Variants in F5 observed in about 807,000 individuals in gnomAD.
F5 encodes the protein coagulation factor V.
A neutral mutation model predicts 216.4 loss-of-function variants in F5; 138 were observed. The ratio of observed to expected loss-of-function variants is 0.64; its 90% CI spans 0.56 to 0.73. The LOEUF is 0.73. Ranked by LOEUF, F5 falls within the 30% of genes least tolerant of loss-of-function variation. The pLI, the probability that F5 is intolerant of heterozygous loss-of-function variation, is 0.00. For synonymous variants in F5, 916 were observed against 930.7 expected (o/e 0.98, Z 0.29); for missense variants, 2,403 against 2,674.0 (o/e 0.90, Z 2.24).
At chr1:169,571,025 T>C (rs1660709793) in intron 3 of F5, among the ~76,000 whole-genome samples, 1 of 143,952 alleles carries the variant, frequency 6.9e-6, no homozygotes, top group Non-Finnish European at 1.6e-5. Context: ...AAAGGTATGA[T>C]GGCTGGAACA....
At chr1:169,523,064 ACC>A in intron 21 of F5, 131 bp downstream of exon 21, 1 of 932,500 alleles carries the variant, frequency 1.1e-6, no homozygotes, top group Non-Finnish European at 1.7e-6. Context: ...TCTCCATATG[ACC>A]CTTAGAAAGC....
Position 169,514,251 on chromosome 1 carries a change from G to A in F5, c.*62C>T. ...CATTTAACACAGCGTAAAATACATT[G>A]CCCATTCTAAATGGTTTGAGGTCTT... On this transcript the variant is annotated 3_prime_UTR_variant, in exon 25 of 25. Coordinates refer to ENST00000367797, the MANE Select transcript of F5 (RefSeq NM_000130.5). 6.7e-7 allele frequency: 1 copy of A among 1,488,326 alleles called. No individual in the cohort carries two copies. The highest frequency in any genetic ancestry group is 2.3e-5 in the East Asian group (1 of 44,252). The allele number at this position is 1,488,326 out of a possible 1,614,324, so 92.2% of individuals were successfully genotyped here. A position where few individuals can be genotyped will look rare whatever the true frequency, so the allele number is the denominator to read the frequency against.
Position 169,542,529 on chromosome 1 carries a change from G to T in F5, c.2561C>A (p.Ala854Asp). Residue 854 changes from alanine (A) to aspartate (D), a missense_variant, in exon 13 of 25, where the codon GCT (alanine) becomes GAT (aspartate). This residue lies in a region of F5 where 1,425 missense variants were observed against 1,554.8 expected (regional missense o/e 0.92). Transcript: ENST00000367797. ...VTGIRLLSLG[A>D]GEFKSQEHAK... is the part of the protein sequence containing the mutation. ...ATGTTCTTGACTTTTGAATTCTCCA[G>T]CACCAAGTGAAAGTAGACGTATCCC... 1.2e-6 allele frequency: 2 copies of T among 1,614,072 alleles called. 1 individual carries two copies.
rs1659580016 is a variant in F5, at chr1:169,530,854, C to T, written c.5140G>A (p.Glu1714Lys). 4.3e-6 allele frequency: 7 copies of T among 1,613,932 alleles called. No homozygotes were observed. Among genetic ancestry groups the T allele is most frequent in the Non-Finnish European group, 5.9e-6 (7 of 1,179,858 alleles). ...CCAGGACTTTCTGGCCCTGATCGCT[C>T]AGTGGCATGCCATACGTAGGTATAA... ...SSYTYVWHAT[E>K]RSGPESPGSA... Residue 1714 changes from glutamate (E) to lysine (K), a missense_variant, in exon 15 of 25, where the codon GAG becomes AAG. Physicochemically the swap from Glu to Lys is moderately conservative, Grantham distance 56. Transcript: ENST00000367797.
chr1:169,538,009 G>A (rs1276174575), intron 13 of F5, among the ~76,000 whole-genome samples: 2 of 152,078 alleles, frequency 1.3e-5, no homozygotes, highest in Non-Finnish European at 2.9e-5. Context: ...TCAGTATGTT[G>A]AAGAGATATC....
intron 13 of F5, among the ~76,000 whole-genome samples, chr1:169,538,186 A>G (rs1026021866): frequency 6.6e-6 from 1 of 152,198 alleles, no homozygotes; most frequent in African/African-American, 2.4e-5. Context: ...TTGTGACAAC[A>G]TGACTGAACC....
chr1:169,525,078 A>G (rs1659410594), intron 18 of F5, among the ~76,000 whole-genome samples, 170 bp from the exon 19 acceptor site: 1 of 152,232 alleles, frequency 6.6e-6, no homozygotes, highest in Non-Finnish European at 1.5e-5. Context: ...ATGCACTAAC[A>G]AGACTGGTGC....
rs373570992 is a variant in F5 at position 169,530,975 on chromosome 1, A to G, written c.5019T>C (p.His1673=). ...CTGATGATTTTTCATAGGAAAGTCCATGGGCATGTAGAGAATACGGTCTGG... is the reference window on the plus strand; with the variant it reads ...CTGATGATTTTTCATAGGAAAGTCCGTGGGCATGTAGAGAATACGGTCTGG... ...LASRPYSLHA[H]GLSYEKSSEG... is the part of the protein sequence containing the mutation. The change falls in exon 15 of 25, where the codon CAT becomes CAC. Residue 1673 remains histidine, a synonymous_variant. Coordinates refer to ENST00000367797, the MANE Select transcript of F5 (RefSeq NM_000130.5). The G allele has an allele frequency of 2.2e-5, 35 of 1,613,798 alleles. No individual in the cohort carries two copies. The highest frequency in any genetic ancestry group is 3.0e-5 in the Non-Finnish European group (35 of 1,179,814).
intron 11 of F5, 71 bp downstream of exon 11, chr1:169,546,371 G>T: frequency 6.3e-7 from 1 of 1,583,076 alleles, no homozygotes; most frequent in South Asian, 1.1e-5. Flanking sequence ...CCATGTCTCT[G>T]ACTCTAGGCA....
chr1:169,535,751 G>C (rs1387190092), intron 14 of F5, among the ~76,000 whole-genome samples: 1 of 152,106 alleles, frequency 6.6e-6, no homozygotes, highest in African/African-American at 2.4e-5. Context: ...TAGCTTCATG[G>C]AAAATTTAGA....
chr1:169,530,879 AC>A lies in F5; in HGVS notation c.5114del (p.Ser1705IlefsTer30), dbSNP rs1388922158. 6.2e-7 allele frequency: 1 copy of A among 1,613,984 alleles called. No homozygotes were observed. On this transcript the variant is annotated frameshift_variant, in exon 15 of 25. Transcript: ENST00000367797. LOFTEE classifies it high-confidence loss of function. The part of the protein sequence containing the change: ...KEDNAVQPNS[S>X]YTYVWHATER... ...CAGTGGCATGCCATACGTAGGTATA[AC>A]TGCTATTTGGCTGAACAGCATTATC...
chr1:169,567,403 G>A (rs1366223221), intron 3 of F5, among the ~76,000 whole-genome samples: 7 of 151,316 alleles, frequency 4.6e-5, no homozygotes, highest in African/African-American at 1.7e-4. Context: ...TCTCCCAAAG[G>A]CCCCACCTGC....
In F5 at chr1:169,576,741, C is replaced by A. The variant is rs188985855; in HGVS notation, c.251-4398G>T. 2.0e-5 allele frequency among the ~76,000 whole-genome samples: 3 copies of A among 152,268 alleles called. No homozygotes were observed. The East Asian group carries it at 5.8e-4, about 29-fold the overall frequency. On this transcript the variant is annotated intron_variant, in intron 2 of 24. Transcript: ENST00000367797. ...GTTTCCACTGACTATTCCCACCTAC[C>A]CCAGCTGCCAATGAGCCCAACAGGG...
intron 7 of F5, among the ~76,000 whole-genome samples, chr1:169,554,560 A>C (rs761350669): frequency 1.1e-4 from 16 of 152,268 alleles, no homozygotes; most frequent in Non-Finnish European, 2.4e-4. Context: ...CTGTATAGTT[A>C]GATTTCCAGA....
intron 21 of F5, among the ~76,000 whole-genome samples, chr1:169,522,985 T>C (rs933627790): frequency 6.6e-5 from 10 of 151,468 alleles, no homozygotes; most frequent in African/African-American, 1.7e-4. Context: ...TTTTGTGGGG[T>C]TTTGAAGTTT....
intron 3 of F5, among the ~76,000 whole-genome samples, chr1:169,561,448 G>A (rs1387155594): frequency 6.6e-6 from 1 of 152,110 alleles, no homozygotes; most frequent in East Asian, 1.9e-4. Flanking sequence ...CCTACTGATA[G>A]GAGAGGGAGA....
At position 169,524,821 on chromosome 1, in the gene F5, T is replaced by C. The variant is rs751632202; in HGVS notation, c.5788+16A>G. 2.5e-6 allele frequency: 4 copies of C among 1,609,996 alleles called. No homozygotes were observed. The South Asian group carries it at 4.4e-5, about 18-fold the overall frequency. On this transcript the variant is annotated intron_variant, in intron 19 of 24. Transcript: ENST00000367797. ...TGTAGGGGGTACCATTCACAGACCA[T>C]GGTGCTACAACTTACCCAGAAACTC...
In F5 at chr1:169,523,870, A is replaced by G; in HGVS notation, c.5823T>C (p.Asn1941=). 1 of 1,613,876 alleles carries G rather than the reference A, an allele frequency of 6.2e-7. No homozygotes were observed. The highest frequency in any genetic ancestry group is 8.5e-7 in the Non-Finnish European group (1 of 1,179,896). The change falls in exon 20 of 25, where the codon AAT becomes AAC. Residue 1941 remains asparagine, a synonymous_variant. Transcript: ENST00000367797. ...YWEPRLARLN[N]GGSYNAWSVE... is the part of the protein sequence containing the mutation. ...CACTCCAAGCATTATAAGATCCACC[A>G]TTGTTTAATCTTGCTAATCTGGGCT... is the stretch of plus-strand genomic sequence containing the variant.
At chr1:169,521,471 G>A (rs953954523) in intron 21 of F5, among the ~76,000 whole-genome samples, 5 of 152,106 alleles carry the variant, frequency 3.3e-5, no homozygotes, top group African/African-American at 1.2e-4. Context: ...CAGTAAACAG[G>A]CTGTGCCCTA....
Sources: gnomAD v4.1 joint callset for allele counts (sites outside exome capture counted in the v4.1 genomes callset) on GRCh38, gnomAD v4.1.1 for gene constraint, gnomAD v4.1.1 regional missense constraint, MANE v1.5 for transcripts, NCBI Gene and HGNC (gene_info 2026-07-23, HGNC 2026-07-21) for gene names.